The following CNTN6 variants were observed in gnomAD, a reference collection of about 807,000 sequenced individuals.
CNTN6 encodes contactin 6.
A neutral mutation model predicts 122.8 loss-of-function variants in CNTN6; 137 were observed. The ratio of observed to expected loss-of-function variants is 1.12; its 90% CI spans 0.97 to 1.29. The LOEUF (loss-of-function observed/expected upper bound fraction) is 1.29, where lower values mean the gene tolerates loss of function less well. Ranked by LOEUF, CNTN6 falls within the 50% of genes most tolerant of loss-of-function variation. The pLI, the probability that CNTN6 is intolerant of heterozygous loss-of-function variation, is 0.00. For synonymous variants in CNTN6, 570 were observed against 426.0 expected, an observed-to-expected ratio of 1.34 and a Z score of -4.16; for missense variants, 1,634 against 1,223.4, an observed-to-expected ratio of 1.34 and a Z score of -5.01.
At chr3:1,290,824 A>G (rs1695200483) in intron 5 of CNTN6, among the ~76,000 whole-genome samples, 1 of 152,180 alleles carries the variant, frequency 6.6e-6, no homozygotes, top group African/African-American at 2.4e-5. Context: ...TGTAGCAGTG[A>G]GGACAGCCAG....
chr3:1,103,014 G>A (rs543630719), intron 1 of CNTN6, among the ~76,000 whole-genome samples: 36 of 151,334 alleles, frequency 2.4e-4, no homozygotes, highest in African/African-American at 8.3e-4. Context: ...GCTGAGGCAG[G>A]AGAATGGCGG....
intron 4 of CNTN6, among the ~76,000 whole-genome samples, chr3:1,266,485 T>C (rs1015544833): frequency 1.2e-4 from 19 of 152,192 alleles, no homozygotes; most frequent in African/African-American, 4.3e-4. Flanking sequence ...TTTAAAAAAA[T>C]GTTCTTGCTT....
intron 11 of CNTN6, among the ~76,000 whole-genome samples, chr3:1,330,253 G>A (rs1399774704): frequency 6.6e-6 from 1 of 151,866 alleles, no homozygotes; most frequent in Non-Finnish European, 1.5e-5. Flanking sequence ...AGAAATCAGT[G>A]CGAATAACAT....
intron 4 of CNTN6, among the ~76,000 whole-genome samples, chr3:1,272,943 C>T (rs955620949): frequency 6.6e-6 from 1 of 152,202 alleles, no homozygotes; most frequent in Non-Finnish European, 1.5e-5. Flanking sequence ...TTGTCCCTCC[C>T]TTGCACCTTG....
chr3:1,101,000 A>G (rs532641119), intron 1 of CNTN6, among the ~76,000 whole-genome samples: 3 of 152,096 alleles, frequency 2.0e-5, no homozygotes, highest in African/African-American at 7.2e-5. Context: ...GTTGTTTTCT[A>G]TGGGAGACCA....
At chr3:1,189,799 C>T (rs569148181) in intron 2 of CNTN6, among the ~76,000 whole-genome samples, 32 of 152,120 alleles carry the variant, frequency 2.1e-4, no homozygotes, top group Non-Finnish European at 4.0e-4. Context: ...AAAATGCCAC[C>T]ATCTCTACTA....
chr3:1,384,683 T>TAC (rs1337034422), intron 19 of CNTN6, among the ~76,000 whole-genome samples: 1 of 70,840 alleles, frequency 1.4e-5, no homozygotes, highest in African/African-American at 6.6e-5. Context: ...TATATATATA[T>TAC]ATATACACAC....
At chr3:1,232,956 G>A (rs1270478362) in intron 4 of CNTN6, among the ~76,000 whole-genome samples, 2 of 152,162 alleles carry the variant, frequency 1.3e-5, no homozygotes, top group South Asian at 2.1e-4. Flanking sequence ...TTCAAGTATC[G>A]AAGAAAGTGT....
At chr3:1,402,799 C>A (rs754767506) in intron 22 of CNTN6, 2 of 230,396 alleles carry the variant, frequency 8.7e-6, no homozygotes, top group African/African-American at 4.6e-5. Context: ...TAGATTCTTT[C>A]GGGTCTTTTA....
intron 1 of CNTN6, among the ~76,000 whole-genome samples, chr3:1,094,701 A>C (rs914615499): frequency 7.9e-5 from 12 of 152,034 alleles, no homozygotes; most frequent in Non-Finnish European, 1.6e-4. Context: ...ACCCCCTCTA[A>C]AAAAAATCAA....
At chr3:1,252,245 T>C (rs2125671709) in intron 4 of CNTN6, among the ~76,000 whole-genome samples, 1 of 152,288 alleles carries the variant, frequency 6.6e-6, no homozygotes, top group Non-Finnish European at 1.5e-5. Context: ...CATCCAACTG[T>C]GGGAAGAACA....
In CNTN6 at chr3:1,227,901, C is replaced by A. The variant is rs2094305042; in HGVS notation, c.266C>A (p.Pro89His). Residue 89 changes from proline (P) to histidine (H), a missense_variant, in exon 4 of 23, where the codon CCC becomes CAC. Pro to His is a moderately conservative substitution (Grantham distance 77, BLOSUM62 -2). Transcript: ENST00000446702. ...GGAGGCAGTCTTGCAATCAATAGCC[C>A]CCACACAGATCAAGATATTGGCATG... is the stretch of plus-strand genomic sequence containing the variant. ...LDGGSLAINS[P>H]HTDQDIGMYQ... 15 of 1,613,754 alleles carry A rather than the reference C, an allele frequency of 9.3e-6. No homozygotes were observed. The Admixed American group carries it at 2.2e-4, about 23-fold the overall frequency.
At chr3:1,384,925 C>CTAGT in intron 19 of CNTN6, among the ~76,000 whole-genome samples, 1 of 151,382 alleles carries the variant, frequency 6.6e-6, no homozygotes, top group South Asian at 2.1e-4. Context: ...TATCTGAACC[C>CTAGT]TAGTTACTTC....
chr3:1,228,282 T>C (rs1243023299), intron 4 of CNTN6, among the ~76,000 whole-genome samples: 2 of 152,186 alleles, frequency 1.3e-5, no homozygotes, highest in African/African-American at 4.8e-5. Flanking sequence ...TAAAGATGTA[T>C]GATATAGCAT....
intron 2 of CNTN6, among the ~76,000 whole-genome samples, chr3:1,172,496 T>C (rs1050561347): frequency 6.6e-6 from 1 of 152,188 alleles, no homozygotes; most frequent in African/African-American, 2.4e-5. Context: ...CAAAAGAAAG[T>C]GCATTTCTGA....
At chr3:1,324,281 G>C (rs1287601226) in intron 8 of CNTN6, among the ~76,000 whole-genome samples, 2 of 147,918 alleles carry the variant, frequency 1.4e-5, no homozygotes, top group African/African-American at 5.3e-5. Flanking sequence ...GGTGAAGGCA[G>C]GTTGTGCAGT....
At chr3:1,277,561 A>G (rs1195017305) in intron 4 of CNTN6, among the ~76,000 whole-genome samples, 2 of 151,916 alleles carry the variant, frequency 1.3e-5, no homozygotes, top group East Asian at 3.9e-4. Context: ...GGGTTTTGCC[A>G]TATTGGCCAA....
chr3:1,133,090 A>G (rs2092382900), intron 1 of CNTN6, among the ~76,000 whole-genome samples: 1 of 152,164 alleles, frequency 6.6e-6, no homozygotes, highest in African/African-American at 2.4e-5. Flanking sequence ...ACCAAGCAAT[A>G]TGCCGAAAAA....
At chr3:1,221,698 A>C (rs1049569042) in intron 3 of CNTN6, among the ~76,000 whole-genome samples, 29 of 152,234 alleles carry the variant, frequency 1.9e-4, no homozygotes, top group Admixed American at 3.3e-4. Flanking sequence ...ACAAATTTAA[A>C]AATATATGCA....
Sources: allele counts gnomAD v4.1 joint callset (sites outside exome capture counted in the v4.1 genomes callset), GRCh38; gene constraint gnomAD v4.1.1; transcripts MANE v1.5; gene names NCBI Gene and HGNC (gene_info 2026-07-23, HGNC 2026-07-21).